Variants in PRKN observed in about 807,000 individuals in gnomAD.
The protein encoded by PRKN is E3 ubiquitin-protein ligase parkin.
In PRKN, 56 loss-of-function variants were observed where a neutral mutation model predicts 59.5. The ratio of observed to expected loss-of-function variants is 0.94; its 90% CI spans 0.76 to 1.18. The LOEUF (loss-of-function observed/expected upper bound fraction) is 1.18, where lower values mean the gene tolerates loss of function less well. Ranked by LOEUF, PRKN falls within the 50% of genes most tolerant of loss-of-function variation. The pLI is 0.00. For missense variants in PRKN, 657 were observed against 596.4 expected (o/e 1.10, Z -1.06); for synonymous variants, 250 against 222.1 (o/e 1.13, Z -1.12).
intron 2 of PRKN, among the ~76,000 whole-genome samples, chr6:162,366,351 T>C (rs1785436460): frequency 6.6e-6 from 1 of 152,202 alleles, no homozygotes. Flanking sequence ...TTGGCTTTCT[T>C]AGATCTTATA....
At chr6:161,614,307 A>G (rs901277415) in intron 7 of PRKN, among the ~76,000 whole-genome samples, 3 of 152,232 alleles carry the variant, frequency 2.0e-5, no homozygotes, top group East Asian at 1.9e-4. Flanking sequence ...GCCTACCACA[A>G]TAAATATTTT....
At chr6:161,663,961 C>A (rs1342062574) in intron 7 of PRKN, among the ~76,000 whole-genome samples, 2 of 152,142 alleles carry the variant, frequency 1.3e-5, no homozygotes, top group South Asian at 4.1e-4. Flanking sequence ...ACCCTGAGGT[C>A]AAAACAGTGC....
intron 7 of PRKN, among the ~76,000 whole-genome samples, chr6:161,577,208 C>G (rs552597906): frequency 6.6e-6 from 1 of 152,288 alleles, no homozygotes; most frequent in South Asian, 2.1e-4. Context: ...CTCATGACAA[C>G]CCTATAAGGC....
chr6:162,155,197 C>T (rs1450378988), intron 4 of PRKN, among the ~76,000 whole-genome samples: 2 of 151,888 alleles, frequency 1.3e-5, no homozygotes, highest in East Asian at 3.9e-4. Flanking sequence ...TTGGTTAATC[C>T]CTGGCAGTGG....
intron 2 of PRKN, among the ~76,000 whole-genome samples, chr6:162,405,309 C>T (rs912791258): frequency 3.9e-5 from 6 of 152,188 alleles, no homozygotes; most frequent in African/African-American, 1.4e-4. Context: ...TGCCTATGTC[C>T]AGTCACAGAG....
At chr6:162,676,315 GT>G (rs1454008738) in intron 1 of PRKN, among the ~76,000 whole-genome samples, 1 of 151,730 alleles carries the variant, frequency 6.6e-6, no homozygotes, top group African/African-American at 2.4e-5. Context: ...AAGAACAGAT[GT>G]TTTGATGAGT....
At chr6:162,223,519 C>G (rs1010274219) in intron 3 of PRKN, among the ~76,000 whole-genome samples, 1 of 151,804 alleles carries the variant, frequency 6.6e-6, no homozygotes, top group African/African-American at 2.4e-5. Context: ...AAGAATTCTA[C>G]AGGCTGGTAT....
At chr6:161,676,934 A>G (rs1256832504) in intron 7 of PRKN, among the ~76,000 whole-genome samples, 1 of 152,220 alleles carries the variant, frequency 6.6e-6, no homozygotes, top group Non-Finnish European at 1.5e-5. Flanking sequence ...CTTTGTCTGC[A>G]ATGATGCTAG....
intron 2 of PRKN, among the ~76,000 whole-genome samples, chr6:162,317,915 A>AAT (rs149719681): frequency 0.076 from 11,515 of 151,844 alleles, 678 homozygotes; most frequent in African/African-American, 0.16. Flanking sequence ...AACATGGTAA[A>AAT]ATATATATAT....
At chr6:161,798,160 C>T (rs1004010353) in intron 6 of PRKN, among the ~76,000 whole-genome samples, 1 of 152,182 alleles carries the variant, frequency 6.6e-6, no homozygotes, top group African/African-American at 2.4e-5. Context: ...GAGATCGCAC[C>T]ACTGCACTCC....
intron 6 of PRKN, among the ~76,000 whole-genome samples, chr6:161,799,609 T>G (rs947337643): frequency 6.6e-6 from 1 of 152,160 alleles, no homozygotes; most frequent in African/African-American, 2.4e-5. Context: ...TGAACAAAAA[T>G]GTACTGCATG....
At chr6:162,578,469 A>T (rs1780650413) in intron 1 of PRKN, among the ~76,000 whole-genome samples, 1 of 152,224 alleles carries the variant, frequency 6.6e-6, no homozygotes, top group Non-Finnish European at 1.5e-5. Context: ...ATACATATTT[A>T]AACAAACAGC....
chr6:161,785,644 T>C (rs1465322504), intron 7 of PRKN, 128 bp downstream of exon 7: 57 of 903,968 alleles, frequency 6.3e-5, no homozygotes, highest in Non-Finnish European at 9.3e-5. Context: ...TAATGTTTCA[T>C]ATCCAGCAAT....
At position 161,647,311 on chromosome 6, in the gene PRKN, G is replaced by C. The variant is rs368294732; in HGVS notation, c.872-77895C>G. On this transcript the variant is annotated intron_variant, in intron 7 of 11. Transcript: ENST00000366898. ...AGAGGGTCTGATAGGGCATGACAGG[G>C]GCAGAGCAAAAACTGGTTAATAGCA... is the stretch of plus-strand genomic sequence containing the variant. Among the ~76,000 whole-genome samples, 25 of 152,192 alleles carry C rather than the reference G, an allele frequency of 1.6e-4. No individual in the cohort carries two copies. In the East Asian group the frequency reaches 2.5e-3, roughly 15 times the overall value.
chr6:161,718,938 C>T (rs1360815905), intron 7 of PRKN, among the ~76,000 whole-genome samples: 2 of 152,200 alleles, frequency 1.3e-5, no homozygotes, highest in Non-Finnish European at 2.9e-5. Flanking sequence ...TATAGATAAT[C>T]TCATGGAGCA....
At chr6:161,406,232 A>G (rs1188225159) in intron 9 of PRKN, among the ~76,000 whole-genome samples, 1 of 151,960 alleles carries the variant, frequency 6.6e-6, no homozygotes, top group East Asian at 1.9e-4. Context: ...ATATATATAC[A>G]CACACTTGAT....
At chr6:162,311,641 C>T (rs1455845170) in intron 2 of PRKN, among the ~76,000 whole-genome samples, 1 of 151,770 alleles carries the variant, frequency 6.6e-6, no homozygotes, top group Non-Finnish European at 1.5e-5. Context: ...TACCACCATG[C>T]CCAGCTAATT....
intron 2 of PRKN, among the ~76,000 whole-genome samples, chr6:162,340,706 TG>T (rs1784141335): frequency 1.3e-5 from 2 of 152,180 alleles, no homozygotes; most frequent in African/African-American, 2.4e-5. Context: ...TAAACGGTGT[TG>T]GGAAAACTGG....
At chr6:161,987,867 G>T (rs886338673) in intron 5 of PRKN, among the ~76,000 whole-genome samples, 20 of 152,196 alleles carry the variant, frequency 1.3e-4, no homozygotes, top group African/African-American at 4.8e-4. Context: ...TGTATGCTGT[G>T]TTGGAGAGGC....
Sources: gnomAD v4.1 joint callset for allele counts (sites outside exome capture counted in the v4.1 genomes callset) on GRCh38, gnomAD v4.1.1 for gene constraint, MANE v1.5 for transcripts, NCBI Gene and HGNC (gene_info 2026-07-23, HGNC 2026-07-21) for gene names.